KDELR1: variants seen among roughly 807,000 people sequenced by gnomAD.
KDELR1 encodes the protein ER lumen protein-retaining receptor 1.
In KDELR1, 16 loss-of-function variants were observed where a neutral mutation model predicts 25.5. The ratio of observed to expected loss-of-function variants is 0.63; its 90% CI spans 0.43 to 0.95. The LOEUF is 0.95. Among genes scored for constraint, KDELR1 ranks in the 40% least tolerant of loss-of-function variants. KDELR1 has a pLI of 0.00. For synonymous variants in KDELR1, 121 were observed against 115.0 expected (o/e 1.05, Z -0.33); for missense variants, 159 against 265.2 (o/e 0.60, Z 2.78).
At chr19:48,389,735 G>A (rs747649956) in intron 2 of KDELR1, 24 bp from the exon 3 acceptor site, 3 of 1,613,056 alleles carry the variant, frequency 1.9e-6, no homozygotes, top group Non-Finnish European at 2.5e-6. Context: ...TGATGAGAAG[G>A]GGCCTCAACT....
At chr19:48,391,033 T>C (rs2147425153) in intron 1 of KDELR1, among the ~76,000 whole-genome samples, 1 of 152,252 alleles carries the variant, frequency 6.6e-6, no homozygotes, top group African/African-American at 2.4e-5. Context: ...AGATTGGGGC[T>C]GGGGGTGGCT....
chr19:48,395,360 C>T (rs369410943), upstream of KDELR1, among the ~76,000 whole-genome samples: 2 of 151,818 alleles, frequency 1.3e-5, no homozygotes, highest in African/African-American at 4.8e-5. Context: ...GCTATTAATA[C>T]CCCCGCCAAG....
Position 48,383,169 on chromosome 19 carries a change from C to T in KDELR1, c.*124G>A, listed in dbSNP as rs752865005. ...TGTCCCCCTGAAACCCGGCAGGAGGCGGGATGGGGAGCACAAGAGGTGGGT... is the reference window on the plus strand; with the variant it reads ...TGTCCCCCTGAAACCCGGCAGGAGGTGGGATGGGGAGCACAAGAGGTGGGT... On this transcript the variant is annotated 3_prime_UTR_variant, in exon 5 of 5. Coordinates refer to ENST00000330720, the MANE Select transcript of KDELR1 (RefSeq NM_006801.3). The T allele has an allele frequency of 1.3e-5, 13 of 991,566 alleles. No homozygotes were observed. Among genetic ancestry groups the T allele is most frequent in the South Asian group, 5.8e-5 (4 of 69,172 alleles). The allele number at this position is 991,566 out of a possible 1,614,324, so 61.4% of individuals were successfully genotyped here. A position where few individuals can be genotyped will look rare whatever the true frequency, so the allele number is the denominator to read the frequency against.
In KDELR1 at chr19:48,389,560, G is replaced by A. The variant is rs1970524070; in HGVS notation, c.344C>T (p.Pro115Leu). 2 of 1,614,090 alleles carry A rather than the reference G, an allele frequency of 1.2e-6. No individual in the cohort carries two copies. The highest frequency in any genetic ancestry group is 1.7e-6 in the Non-Finnish European group (2 of 1,179,978). The change falls in exon 3 of 5, where the codon CCT (proline) becomes CTT (leucine). Residue 115 changes from proline (P) to leucine (L), a missense_variant. By Grantham distance (98) the Pro-to-Leu change is moderately conservative. Transcript: ENST00000330720. ...LAFLVNHDFT[P>L]LEILWTFSIY... ...TCACAGCAAGGCGCCTACCTCCAGA[G>A]GGGTGAAGTCATGATTGACCAGGAA...
rs745706110 is a variant in KDELR1, at chr19:48,390,442, G to A, written c.174C>T (p.Leu58=). The A allele has an allele frequency of 3.1e-6, 5 of 1,613,732 alleles. No homozygotes were observed. Among genetic ancestry groups the A allele is most frequent in the Non-Finnish European group, 4.2e-6 (5 of 1,179,578 alleles). The part of the protein sequence containing the change: ...YLDLFTNYIS[L]YNTCMKVVYI... ...CCTCTACCTTCATACACGTGTTGTA[G>A]AGTGAGATGTAGTTGGTGAAGAGGT... is the stretch of plus-strand genomic sequence containing the variant. Residue 58 remains leucine, a synonymous_variant, in exon 2 of 5, where the codon CTC becomes CTT. Transcript: ENST00000330720.
At chr19:48,392,564 G>C (rs1569054442), upstream of KDELR1, among the ~76,000 whole-genome samples, 1 of 152,150 alleles carries the variant, frequency 6.6e-6, no homozygotes, top group Non-Finnish European at 1.5e-5. Context: ...TAAGAATCTA[G>C]ATCTACAGTT....
At chr19:48,395,199 C>T (rs910356693), upstream of KDELR1, among the ~76,000 whole-genome samples, 1 of 151,884 alleles carries the variant, frequency 6.6e-6, no homozygotes, top group Non-Finnish European at 1.5e-5. Flanking sequence ...TCTCCCCATC[C>T]CCACATACCT....
At chr19:48,395,317 C>T (rs778951522), upstream of KDELR1, among the ~76,000 whole-genome samples, 41 of 151,658 alleles carry the variant, frequency 2.7e-4, no homozygotes, top group Non-Finnish European at 4.6e-4. Context: ...TCTCTCCTCT[C>T]GCTCTCCCCT....
upstream of KDELR1, chr19:48,391,557 G>A (rs1034943376): frequency 1.2e-5 from 7 of 579,668 alleles, no homozygotes; most frequent in East Asian, 5.9e-5. Flanking sequence ...GGAAGAGGGA[G>A]GAGAGCGAGA....
At chr19:48,388,763 GGAAA>G (rs889186735) in intron 3 of KDELR1, among the ~76,000 whole-genome samples, 2 of 138,368 alleles carry the variant, frequency 1.4e-5, no homozygotes, top group African/African-American at 5.4e-5. Context: ...AAGAAAGAAA[GGAAA>G]GAAAGGAAGA....
chr19:48,393,912 G>C (rs1337390097), upstream of KDELR1, among the ~76,000 whole-genome samples: 1 of 152,054 alleles, frequency 6.6e-6, no homozygotes, highest in Admixed American at 6.6e-5. The surrounding 1 kb of genome is among the most constrained non-coding windows in gnomAD (Gnocchi z 5.6). Context: ...GCTGGTGGAG[G>C]GGGGGTGTGT....
chr19:48,397,322 CTCA>C, the KDELR1 span, among the ~76,000 whole-genome samples: 1 of 152,138 alleles, frequency 6.6e-6, no homozygotes, highest in African/African-American at 2.4e-5. Flanking sequence ...CCTTTTCCCT[CTCA>C]TTTTTTCTCT....
chr19:48,383,360 G>A (rs891836995), intron 4 of KDELR1, 33 bp from the exon 5 acceptor site: 13 of 1,550,068 alleles, frequency 8.4e-6, no homozygotes, highest in African/African-American at 2.7e-5. Flanking sequence ...GGGCATTACC[G>A]CTGGGGCCCC....
At chr19:48,395,598 T>C (rs1038957775), upstream of KDELR1, among the ~76,000 whole-genome samples, 2 of 151,886 alleles carry the variant, frequency 1.3e-5, no homozygotes, top group Non-Finnish European at 2.9e-5. Context: ...GCTCCTCTCT[T>C]CTCTGTTGGA....
chr19:48,393,142 T>C (rs1428257186), upstream of KDELR1, among the ~76,000 whole-genome samples: 1 of 151,780 alleles, frequency 6.6e-6, no homozygotes, highest in Admixed American at 6.6e-5. The surrounding 1 kb of genome is among the most constrained non-coding windows in gnomAD (Gnocchi z 5.6). Context: ...AGAGTCGGGA[T>C]GACTGAGTCC....
chr19:48,391,623 G>A (rs1970555343), upstream of KDELR1: 1 of 489,020 alleles, frequency 2.0e-6, no homozygotes, highest in Non-Finnish European at 3.7e-6. Context: ...CTGGATCCCC[G>A]GCGCCCCCTA....
At chr19:48,388,413 C>A (rs1274908991) in intron 3 of KDELR1, among the ~76,000 whole-genome samples, 1 of 152,086 alleles carries the variant, frequency 6.6e-6, no homozygotes, top group Non-Finnish European at 1.5e-5. Flanking sequence ...GAGCCGGGCG[C>A]GGTGGCTCAT....
Position 48,384,479 on chromosome 19 carries a change from G to A in KDELR1, c.355C>T (p.Leu119Phe), listed in dbSNP as rs774807825. ...TCCAGGTAGATGGAGAAGGTCCAGA[G>A]GATCTGCAGAGAGGCCGGGGACATG... Reference protein sequence around the residue: ...VNHDFTPLEILWTFSIYLESV... With the variant: ...VNHDFTPLEIFWTFSIYLESV... Residue 119 changes from leucine (L) to phenylalanine (F), a missense_variant, in exon 4 of 5, where the codon CTC becomes TTC. Coordinates refer to ENST00000330720, the MANE Select transcript of KDELR1 (RefSeq NM_006801.3). This position sits in a 1 kb window ranked among gnomAD's most constrained non-coding sequence, Gnocchi z 4.6. 6.2e-7 allele frequency: 1 copy of A among 1,612,386 alleles called. No individual in the cohort carries two copies. Among genetic ancestry groups the A allele is most frequent in the East Asian group, 2.2e-5 (1 of 44,852 alleles).
At chr19:48,394,160 G>A (rs1970601078), upstream of KDELR1, among the ~76,000 whole-genome samples, 1 of 151,994 alleles carries the variant, frequency 6.6e-6, no homozygotes. The surrounding 1 kb of genome is among the most constrained non-coding windows in gnomAD (Gnocchi z 5.1). Context: ...TGGCAGCCTG[G>A]CCCCCATTAG....
Sources: allele counts gnomAD v4.1 joint callset (sites outside exome capture counted in the v4.1 genomes callset), GRCh38; gene constraint gnomAD v4.1.1; non-coding constraint Gnocchi (gnomAD v3.1); transcripts MANE v1.5; gene names NCBI Gene and HGNC (gene_info 2026-07-23, HGNC 2026-07-21).